The following DDR2 variants were observed in gnomAD, a reference collection of about 807,000 sequenced individuals.
DDR2 encodes the protein discoidin domain-containing receptor 2.
In DDR2, 27 loss-of-function variants were observed where a neutral mutation model predicts 94.9. The observed-to-expected ratio is 0.28, with a 90% CI of 0.21 to 0.39. The LOEUF (loss-of-function observed/expected upper bound fraction) is 0.39. Among genes scored for constraint, DDR2 ranks in the 10% least tolerant of loss-of-function variants. The pLI is 1.00. For missense variants in DDR2, 783 were observed against 1,076.0 expected (o/e 0.73, Z 3.81); for synonymous variants, 382 against 377.2 (o/e 1.01, Z -0.15).
At chr1:162,706,540 G>A (rs1441444992) in intron 2 of DDR2, among the ~76,000 whole-genome samples, 1 of 152,170 alleles carries the variant, frequency 6.6e-6, no homozygotes, top group Non-Finnish European at 1.5e-5. Flanking sequence ...GTCTTCTGCA[G>A]GAGAGGTGGA....
At chr1:162,700,159 A>G (rs374648553) in intron 2 of DDR2, among the ~76,000 whole-genome samples, 3 of 152,154 alleles carry the variant, frequency 2.0e-5, no homozygotes, top group African/African-American at 7.2e-5. Flanking sequence ...ATCTCTCACC[A>G]TTTCTTCTTT....
chr1:162,673,928 C>T (rs1659006466), intron 2 of DDR2, among the ~76,000 whole-genome samples: 2 of 151,978 alleles, frequency 1.3e-5, no homozygotes, highest in South Asian at 4.2e-4. Context: ...TTTTTCTTCC[C>T]TTTTTACACA....
At chr1:162,724,459 C>T (rs1661560823) in intron 3 of DDR2, among the ~76,000 whole-genome samples, 2 of 152,128 alleles carry the variant, frequency 1.3e-5, no homozygotes, top group African/African-American at 4.8e-5. Flanking sequence ...GCTAGAAGCC[C>T]TGCGGGCCAA....
At position 162,761,466 on chromosome 1, in the gene DDR2, A is replaced by G. The variant is rs144350332; in HGVS notation, c.1099+12A>G. On this transcript the variant is annotated intron_variant, in intron 9 of 17. Coordinates refer to ENST00000367921, the MANE Select transcript of DDR2 (RefSeq NM_006182.4). ...CACCTTCCAATCAGGTAGGGAGCTC[A>G]GGTCCTCTTTGGGAAGTGGGAGCAA... 9.9e-6 allele frequency: 16 copies of G among 1,614,056 alleles called. No homozygotes were observed. The highest frequency in any genetic ancestry group is 1.3e-5 in the African/African-American group (1 of 74,936).
chr1:162,784,869 A>G lies in DDR2; in HGVS notation c.*4623A>G, dbSNP rs1648086374. On this transcript the variant is annotated 3_prime_UTR_variant, in exon 18 of 18. Transcript: ENST00000367921. ...ACATTGGCATAATGCTATTAACTAA[A>G]CTACAGACCTTTTTTCAATTTCGCC... 1 of 152,192 alleles carries G rather than the reference A, an allele frequency of 6.6e-6. No individual in the cohort carries two copies. Among genetic ancestry groups the G allele is most frequent in the Admixed American group, 6.5e-5 (1 of 15,280 alleles). The allele number at this position is 152,192 out of a possible 1,614,324, so 9.4% of individuals were successfully genotyped here. A position where few individuals can be genotyped will look rare whatever the true frequency, so the allele number is the denominator to read the frequency against.
At chr1:162,704,093 C>T (rs1660548184) in intron 2 of DDR2, among the ~76,000 whole-genome samples, 2 of 152,218 alleles carry the variant, frequency 1.3e-5, no homozygotes, top group African/African-American at 4.8e-5. Context: ...AAGGAACCTA[C>T]AGCTTAGGAA....
chr1:162,746,968 C>T (rs995852726), intron 3 of DDR2, among the ~76,000 whole-genome samples: 1 of 152,144 alleles, frequency 6.6e-6, no homozygotes, highest in African/African-American at 2.4e-5. Context: ...GGAATAGCAT[C>T]AACATCAACA....
chr1:162,783,132 A>T lies in DDR2; in HGVS notation c.*2886A>T, dbSNP rs1647995383. The stretch of plus-strand genomic sequence containing the variant: ...TGTGGGGCCTTATTACCTTTGCAGT[A>T]AGTTATCTTCTTCATGATATATGTG... On this transcript the variant is annotated 3_prime_UTR_variant, in exon 18 of 18. Coordinates refer to ENST00000367921, the MANE Select transcript of DDR2 (RefSeq NM_006182.4). 1 of 152,218 alleles carries T rather than the reference A, an allele frequency of 6.6e-6. No homozygotes were observed. The highest frequency in any genetic ancestry group is 2.1e-4 in the South Asian group (1 of 4,832). 9.4% of individuals were successfully genotyped at this position (152,218 alleles called of 1,614,324 possible).
chr1:162,721,515 A>G (rs1488320412), intron 3 of DDR2, among the ~76,000 whole-genome samples: 1 of 152,222 alleles, frequency 6.6e-6, no homozygotes, highest in Non-Finnish European at 1.5e-5. Flanking sequence ...ATTCATTATC[A>G]GTGATAAAGA....
At chr1:162,757,088 TG>T (rs1663498687) in intron 7 of DDR2, among the ~76,000 whole-genome samples, 1 of 152,146 alleles carries the variant, frequency 6.6e-6, no homozygotes, top group East Asian at 1.9e-4. Flanking sequence ...ATGACTGCTC[TG>T]GGGTTCAAAG....
rs115998363 is a variant in DDR2 at position 162,733,177 on chromosome 1, A to G, written c.82+14032A>G. 5.2e-3 allele frequency among the ~76,000 whole-genome samples: 792 copies of G among 152,316 alleles called. 10 individuals are homozygous for G. The highest frequency in any genetic ancestry group is 0.018 in the African/African-American group (738 of 41,560). On this transcript the variant is annotated intron_variant, in intron 3 of 17. Transcript: ENST00000367921. ...GCTTTTTCATGCTTCTTTACAGTTC[A>G]TGATAGAACAAAGACAGACTGGTGG...
chr1:162,760,800 G>A (rs1663690741), intron 8 of DDR2, among the ~76,000 whole-genome samples: 1 of 151,830 alleles, frequency 6.6e-6, no homozygotes, highest in South Asian at 2.1e-4. Flanking sequence ...TCTGTTAAAT[G>A]AGGACTGCAC....
At chr1:162,684,087 A>G (rs1437859887) in intron 2 of DDR2, among the ~76,000 whole-genome samples, 1 of 152,190 alleles carries the variant, frequency 6.6e-6, no homozygotes, top group Non-Finnish European at 1.5e-5. Flanking sequence ...ACCCACACAA[A>G]TACACCTCTG....
chr1:162,774,940 C>G (rs1268769913), intron 14 of DDR2, among the ~76,000 whole-genome samples: 1 of 152,130 alleles, frequency 6.6e-6, no homozygotes, highest in Non-Finnish European at 1.5e-5. Flanking sequence ...TCATCTGCTC[C>G]AACAGTTTTG....
At chr1:162,661,411 C>G (rs1246096892) in intron 2 of DDR2, among the ~76,000 whole-genome samples, 3 of 152,176 alleles carry the variant, frequency 2.0e-5, no homozygotes, top group Non-Finnish European at 4.4e-5. Context: ...GGTTTTGGCC[C>G]CACTCTGGCC....
intron 7 of DDR2, among the ~76,000 whole-genome samples, chr1:162,757,057 T>G (rs1278979692): frequency 6.6e-6 from 1 of 152,118 alleles, no homozygotes; most frequent in Non-Finnish European, 1.5e-5. Flanking sequence ...ATGATTCAAG[T>G]ATATGAGCAA....
chr1:162,780,206 A>G lies in DDR2; in HGVS notation c.2528A>G (p.Gln843Arg). ...RRDTKNRPSF[Q>R]EIHLLLLQQG... ...GATACGAAGAACCGTCCCTCATTCC[A>G]AGAAATCCACCTTCTGCTCCTTCAA... The change falls in exon 18 of 18, where the codon CAA (glutamine) becomes CGA (arginine). Residue 843 changes from glutamine (Q) to arginine (R), a missense_variant. Gln to Arg is a conservative substitution (Grantham distance 43, BLOSUM62 1). Around this residue, in one of 2 missense-constraint regions of DDR2, gnomAD observed 264 missense variants for 428.2 expected, o/e 0.62. Transcript: ENST00000367921. 6.2e-7 allele frequency: 1 copy of G among 1,613,962 alleles called. No homozygotes were observed. The highest frequency in any genetic ancestry group is 1.1e-5 in the South Asian group (1 of 91,084).
intron 3 of DDR2, among the ~76,000 whole-genome samples, chr1:162,751,239 T>C (rs1057479405): frequency 1.1e-4 from 17 of 152,086 alleles, no homozygotes; most frequent in African/African-American, 4.1e-4. Context: ...ATTTTTGCAA[T>C]GTACCCATCT....
intron 1 of DDR2, among the ~76,000 whole-genome samples, chr1:162,637,531 T>C (rs1656886206): frequency 6.6e-6 from 1 of 152,168 alleles, no homozygotes; most frequent in Non-Finnish European, 1.5e-5. Flanking sequence ...ATGTTTTATT[T>C]GCTATCAGTT....
Sources: allele counts gnomAD v4.1 joint callset (sites outside exome capture counted in the v4.1 genomes callset), GRCh38; gene constraint gnomAD v4.1.1; regional missense constraint gnomAD v4.1.1; transcripts MANE v1.5; gene names NCBI Gene and HGNC (gene_info 2026-07-23, HGNC 2026-07-21).